Variants in MMP2 observed in about 807,000 individuals in gnomAD.
MMP2 encodes matrix metallopeptidase 2.
Under a neutral mutation model 74.8 loss-of-function variants are expected in MMP2, and 39 were observed. That is an observed-to-expected ratio of 0.52 (90% confidence interval 0.40 to 0.68). MMP2 has a LOEUF of 0.68. Ranked by LOEUF, MMP2 falls within the 30% of genes least tolerant of loss-of-function variation. The pLI is 0.00. For synonymous variants in MMP2, 367 were observed against 339.8 expected (o/e 1.08, Z -0.88); for missense variants, 803 against 878.3 (o/e 0.91, Z 1.08).
At chr16:55,486,690 G>GTCA (rs1321241497) in intron 5 of MMP2, 1 of 152,050 alleles carries the variant, frequency 6.6e-6, no homozygotes, top group African/African-American at 2.4e-5. Flanking sequence ...ACTCTATGAA[G>GTCA]TCATCATATT....
intron 11 of MMP2, among the ~76,000 whole-genome samples, chr16:55,500,909 G>A (rs1448088178): frequency 6.6e-6 from 1 of 152,342 alleles, no homozygotes; most frequent in Non-Finnish European, 1.5e-5. Flanking sequence ...CCTGCTTGTA[G>A]AAGCTTTCAC....
intron 7 of MMP2, among the ~76,000 whole-genome samples, chr16:55,491,434 T>A (rs1319499015): frequency 6.6e-6 from 1 of 152,122 alleles, no homozygotes; most frequent in African/African-American, 2.4e-5. Context: ...TTTGTAGAGC[T>A]CATCTTTTAT....
chr16:55,491,370 G>A (rs1962401358), intron 7 of MMP2, among the ~76,000 whole-genome samples: 1 of 152,112 alleles, frequency 6.6e-6, no homozygotes, highest in Non-Finnish European at 1.5e-5. Context: ...GTGGCAACAT[G>A]GGGCCAGCCT....
chr16:55,502,498 T>A (rs1419140998), intron 11 of MMP2, among the ~76,000 whole-genome samples: 1 of 152,214 alleles, frequency 6.6e-6, no homozygotes, highest in African/African-American at 2.4e-5. Flanking sequence ...GTTAACACAC[T>A]GTTTGGCATG....
intron 1 of MMP2, among the ~76,000 whole-genome samples, chr16:55,482,623 T>C (rs1962132267): frequency 6.6e-6 from 1 of 152,202 alleles, no homozygotes; most frequent in African/African-American, 2.4e-5. Context: ...GTTTTGAGCA[T>C]TAAATGAGTT....
At position 55,479,590 on chromosome 16, in the gene MMP2, C is replaced by T. The variant is rs1962044112; in HGVS notation, c.111C>T (p.Phe37=). The part of the protein sequence containing the change: ...AAAAPSPIIK[F]PGDVAPKTDK... ...CCGCGCCGTCGCCCATCATCAAGTT[C>T]CCCGGCGATGTCGCCCCCAAAACGG... Residue 37 remains phenylalanine, a synonymous_variant, in exon 1 of 13, where the codon TTC becomes TTT. Coordinates refer to ENST00000219070, the MANE Select transcript of MMP2 (RefSeq NM_004530.6). The T allele has an allele frequency of 3.7e-6, 6 of 1,613,734 alleles. No homozygotes were observed. The highest frequency in any genetic ancestry group is 1.1e-5 in the South Asian group (1 of 91,084).
chr16:55,479,504 G>T lies in MMP2; in HGVS notation c.25G>T (p.Ala9Ser). The T allele has an allele frequency of 6.3e-7, 1 of 1,592,956 alleles. No homozygotes were observed. Among genetic ancestry groups the T allele is most frequent in the Non-Finnish European group, 8.5e-7 (1 of 1,170,174 alleles). The change falls in exon 1 of 13, where the codon GCG becomes TCG. Residue 9 changes from alanine (A) to serine (S), a missense_variant. Ala to Ser is a moderately conservative substitution (Grantham distance 99). This residue lies in a region of MMP2 where 223 missense variants were observed against 232.8 expected (regional missense o/e 0.96). Coordinates refer to ENST00000219070, the MANE Select transcript of MMP2 (RefSeq NM_004530.6). ...GATGGAGGCGCTAATGGCCCGGGGC[G>T]CGCTCACGGGTCCCCTGAGGGCGCT... MEALMARG[A>S]LTGPLRALCL...
intron 9 of MMP2, among the ~76,000 whole-genome samples, chr16:55,495,969 A>G (rs1453973546): frequency 9.9e-5 from 15 of 152,200 alleles, no homozygotes; most frequent in Admixed American, 9.8e-4. Flanking sequence ...GTGAAATACA[A>G]GTCTGTGTGT....
Position 55,505,724 on chromosome 16 carries a change from C to A in MMP2, c.*282C>A. ...GATACTTTGATATTTTCAACGCAGCCCTGCTTTGGGCTGCCCTGGTGCTGC... is the reference window on the plus strand; with the variant it reads ...GATACTTTGATATTTTCAACGCAGCACTGCTTTGGGCTGCCCTGGTGCTGC... On this transcript the variant is annotated 3_prime_UTR_variant, in exon 13 of 13. Transcript: ENST00000219070. The A allele has an allele frequency of 2.0e-6, 1 of 494,296 alleles. No individual in the cohort carries two copies. The highest frequency in any genetic ancestry group is 3.7e-6 in the Non-Finnish European group (1 of 270,230). 30.6% of individuals were successfully genotyped at this position (494,296 alleles called of 1,614,324 possible).
chr16:55,495,214 C>T (rs1442548873), intron 9 of MMP2, among the ~76,000 whole-genome samples: 1 of 152,204 alleles, frequency 6.6e-6, no homozygotes, highest in African/African-American at 2.4e-5. Context: ...CTGCAGTTCC[C>T]ATTGTAAGGA....
At position 55,496,960 on chromosome 16, in the gene MMP2, C is replaced by G. The variant is rs1341005485; in HGVS notation, c.1507C>G (p.Pro503Ala). The change falls in exon 10 of 13, where the codon CCC becomes GCC. Residue 503 changes from proline (P) to alanine (A), a missense_variant. By Grantham distance (27) the Pro-to-Ala change is conservative. Around this residue, in one of 3 missense-constraint regions of MMP2, gnomAD observed 555 missense variants for 592.0 expected, o/e 0.94. Coordinates refer to ENST00000219070, the MANE Select transcript of MMP2 (RefSeq NM_004530.6). ...GCGGACTGTGACGCCACGTGACAAG[C>G]CCATGGGGCCCCTGCTGGTGGCCAC... The part of the protein sequence containing the change: ...IWRTVTPRDK[P>A]MGPLLVATFW... The G allele has an allele frequency of 1.2e-6, 2 of 1,614,164 alleles. No homozygotes were observed. The highest frequency in any genetic ancestry group is 3.3e-5 in the Admixed American group (2 of 60,030).
At chr16:55,486,737 C>G (rs540855582) in intron 5 of MMP2, 10 of 152,056 alleles carry the variant, frequency 6.6e-5, no homozygotes, top group Non-Finnish European at 1.3e-4. Flanking sequence ...GAAAACCTGG[C>G]GAAAATGGAA....
At chr16:55,490,467 C>T (rs1386185792) in intron 7 of MMP2, among the ~76,000 whole-genome samples, 1 of 152,110 alleles carries the variant, frequency 6.6e-6, no homozygotes, top group African/African-American at 2.4e-5. Context: ...CTCACAAGCT[C>T]AGGGGAGAGA....
At chr16:55,491,713 C>T in intron 7 of MMP2, 88 bp from the exon 8 acceptor site, 3 of 1,490,140 alleles carry the variant, frequency 2.0e-6, no homozygotes, top group Non-Finnish European at 1.9e-6. Context: ...GGGCTGTCCT[C>T]AAAAGTCTGC....
At chr16:55,501,498 C>T (rs1962665026) in intron 11 of MMP2, among the ~76,000 whole-genome samples, 1 of 152,206 alleles carries the variant, frequency 6.6e-6, no homozygotes, top group Non-Finnish European at 1.5e-5. Context: ...AGTTTGAGGG[C>T]TCAGTGGAGG....
intron 10 of MMP2, among the ~76,000 whole-genome samples, chr16:55,497,882 A>G (rs1449436217): frequency 1.3e-5 from 2 of 152,144 alleles, no homozygotes; most frequent in African/African-American, 4.8e-5. Context: ...GAGAAGATAA[A>G]GGCTCAGCCA....
At chr16:55,497,103 G>A in intron 10 of MMP2, 41 bp downstream of exon 10, 1 of 1,613,192 alleles carries the variant, frequency 6.2e-7, no homozygotes, top group East Asian at 2.2e-5. Context: ...AGCTCCACAG[G>A]GCTCTGCACC....
At chr16:55,490,675 A>T (rs1463939312) in intron 7 of MMP2, among the ~76,000 whole-genome samples, 1 of 152,190 alleles carries the variant, frequency 6.6e-6, no homozygotes, top group African/African-American at 2.4e-5. Flanking sequence ...TGTTGCTTTC[A>T]TTCTTTTTAA....
chr16:55,478,896 T>A (rs1231148898), upstream of MMP2: 1 of 152,158 alleles, frequency 6.6e-6, no homozygotes, highest in East Asian at 1.9e-4. Flanking sequence ...CCTCAGGACG[T>A]CAAGGGCCTA....
Sources: allele counts gnomAD v4.1 joint callset (sites outside exome capture counted in the v4.1 genomes callset), GRCh38; gene constraint gnomAD v4.1.1; regional missense constraint gnomAD v4.1.1; transcripts MANE v1.5; gene names NCBI Gene and HGNC (gene_info 2026-07-23, HGNC 2026-07-21).